Variants in PACRG observed in about 807,000 individuals in gnomAD.
PACRG encodes parkin coregulated gene protein.
In PACRG, 29 loss-of-function variants were observed where a neutral mutation model predicts 29.7. The observed-to-expected ratio is 0.98, with a 90% CI of 0.73 to 1.33. PACRG has a LOEUF of 1.33. PACRG is among the 40% of genes most tolerant of loss of function. The pLI is 0.00. For synonymous variants in PACRG, 116 were observed against 118.7 expected (o/e 0.98, Z 0.15); for missense variants, 279 against 316.2 (o/e 0.88, Z 0.89).
intron 4 of PACRG, among the ~76,000 whole-genome samples, chr6:163,143,962 C>T (rs953942536): frequency 9.2e-5 from 14 of 152,084 alleles, no homozygotes; most frequent in East Asian, 1.9e-4. Context: ...AGGCCAGGTG[C>T]GGTGGCTCAC....
intron 1 of PACRG, among the ~76,000 whole-genome samples, chr6:162,746,702 C>T (rs1489181001): frequency 6.6e-6 from 1 of 152,170 alleles, no homozygotes; most frequent in African/African-American, 2.4e-5. Context: ...TGCACAGTGT[C>T]ATAGACATAG....
intron 4 of PACRG, among the ~76,000 whole-genome samples, chr6:163,236,149 AT>A (rs1782230020): frequency 1.3e-5 from 2 of 152,144 alleles, no homozygotes; most frequent in African/African-American, 4.8e-5. Flanking sequence ...CATACCCTGT[AT>A]GAACCTCAGG....
intron 2 of PACRG, among the ~76,000 whole-genome samples, chr6:163,058,959 A>C (rs1810855107): frequency 1.4e-5 from 2 of 144,854 alleles, no homozygotes; most frequent in African/African-American, 5.2e-5. Flanking sequence ...CGTGCCTGTA[A>C]TCCCAGCTAC....
intron 1 of PACRG, among the ~76,000 whole-genome samples, chr6:162,766,109 T>C (rs1782771001): frequency 6.6e-6 from 1 of 152,174 alleles, no homozygotes; most frequent in African/African-American, 2.4e-5. Context: ...TATTTAAAAA[T>C]ATGTAATACA....
At chr6:163,118,650 G>C (rs1002678002) in intron 4 of PACRG, among the ~76,000 whole-genome samples, 20 of 152,030 alleles carry the variant, frequency 1.3e-4, no homozygotes, top group Admixed American at 1.2e-3. Context: ...CATACATCTT[G>C]TCATTTACTA....
chr6:163,017,256 G>C (rs1167894333), intron 2 of PACRG, among the ~76,000 whole-genome samples: 2 of 152,102 alleles, frequency 1.3e-5, no homozygotes, highest in Non-Finnish European at 2.9e-5. Context: ...ATATAAACGT[G>C]GGGGGAGATA....
intron 4 of PACRG, among the ~76,000 whole-genome samples, chr6:163,274,861 CT>C (rs58333018): frequency 2.1e-3 from 266 of 126,304 alleles, no homozygotes; most frequent in Middle Eastern, 4.5e-3. Context: ...TTCTTTCTTT[CT>C]TTTTTTTTTT....
chr6:163,216,738 C>A (rs1316619613), intron 4 of PACRG, among the ~76,000 whole-genome samples: 1 of 152,126 alleles, frequency 6.6e-6, no homozygotes, highest in African/African-American at 2.4e-5. Context: ...GAGATGCTGT[C>A]GTATTTGGCA....
intron 2 of PACRG, among the ~76,000 whole-genome samples, chr6:163,026,346 C>T (rs1554337556): frequency 6.6e-6 from 1 of 151,828 alleles, no homozygotes; most frequent in Non-Finnish European, 1.5e-5. Context: ...TTATGTTTTC[C>T]CAAAAATTAT....
rs371542319 is a variant in PACRG, at chr6:163,253,422, G to C, written c.614-61405G>C. ...AAATCGAATTGGTTGGAATCCAAAG[G>C]CATTTTAAAGTTTCAGAACAAATTA... On this transcript the variant is annotated intron_variant, in intron 4 of 4. Transcript: ENST00000366888. 4.7e-4 allele frequency among the ~76,000 whole-genome samples: 71 copies of C among 152,132 alleles called. 2 individuals are homozygous for C. The South Asian group carries it at 0.014, about 30-fold the overall frequency.
intron 1 of PACRG, among the ~76,000 whole-genome samples, chr6:162,805,137 C>T (rs1433461259): frequency 1.3e-5 from 2 of 151,972 alleles, no homozygotes; most frequent in Non-Finnish European, 2.9e-5. Context: ...ATATGTGGTC[C>T]GTTGTTTACT....
At chr6:162,880,021 C>A (rs1298161959) in intron 2 of PACRG, among the ~76,000 whole-genome samples, 1 of 152,120 alleles carries the variant, frequency 6.6e-6, no homozygotes, top group African/African-American at 2.4e-5. Flanking sequence ...CGAGGTCAAA[C>A]CACACCTTGG....
At position 162,781,874 on chromosome 6, in the gene PACRG, C is replaced by G. The variant is rs1223183436; in HGVS notation, c.157-32273C>G. On this transcript the variant is annotated intron_variant, in intron 1 of 4. Coordinates refer to ENST00000366888, the MANE Select transcript of PACRG (RefSeq NM_001080379.2). ...GAAAAGGAACAAAGAACAAATGAAA[C>G]AAAAACAAAAAAAAGCAATATGTAT... Among the ~76,000 whole-genome samples the G allele has an allele frequency of 2.7e-5, 4 of 148,514 alleles. No individual in the cohort carries two copies. The South Asian group carries it at 8.5e-4, about 32-fold the overall frequency.
At chr6:163,108,403 T>C (rs1815512432) in intron 4 of PACRG, among the ~76,000 whole-genome samples, 1 of 142,412 alleles carries the variant, frequency 7.0e-6, no homozygotes, top group African/African-American at 2.6e-5. Context: ...TTTTTTTTTT[T>C]TTTTTTTTTT....
At chr6:163,201,646 A>C (rs1009746762) in intron 4 of PACRG, among the ~76,000 whole-genome samples, 3 of 152,204 alleles carry the variant, frequency 2.0e-5, no homozygotes, top group Non-Finnish European at 2.9e-5. Context: ...GGAACAAGTC[A>C]TGGGCCCCCA....
At chr6:163,209,836 C>G (rs1350598825) in intron 4 of PACRG, among the ~76,000 whole-genome samples, 1 of 152,094 alleles carries the variant, frequency 6.6e-6, no homozygotes. Flanking sequence ...CTTTATTTTA[C>G]CTTCACATTC....
intron 2 of PACRG, among the ~76,000 whole-genome samples, chr6:162,976,208 G>A (rs779632664): frequency 1.3e-5 from 2 of 152,194 alleles, no homozygotes; most frequent in African/African-American, 2.4e-5. Context: ...ACTGAGTAGC[G>A]TGTTTTAAAA....
intron 4 of PACRG, among the ~76,000 whole-genome samples, chr6:163,238,291 G>T (rs1782328502): frequency 6.6e-6 from 1 of 152,154 alleles, no homozygotes; most frequent in Admixed American, 6.5e-5. Context: ...AAAAGAGGGA[G>T]CAATGGAGAC....
intron 4 of PACRG, among the ~76,000 whole-genome samples, chr6:163,312,074 G>GCATCAT (rs1785441892): frequency 6.6e-6 from 1 of 152,174 alleles, no homozygotes; most frequent in Non-Finnish European, 1.5e-5. Context: ...CCACAACTCA[G>GCATCAT]CATCATCATC....
Sources: gnomAD v4.1 joint callset for allele counts (sites outside exome capture counted in the v4.1 genomes callset) on GRCh38, gnomAD v4.1.1 for gene constraint, MANE v1.5 for transcripts, NCBI Gene and HGNC (gene_info 2026-07-23, HGNC 2026-07-21) for gene names.